Variants in TRDN observed in about 807,000 individuals in gnomAD.
TRDN encodes the protein triadin, also known as triadin in skeletal muscle.
In TRDN, 161 loss-of-function variants were observed where a neutral mutation model predicts 149.7. The observed-to-expected ratio is 1.08, with a 90% CI of 0.95 to 1.23. The LOEUF (loss-of-function observed/expected upper bound fraction) is 1.23, where lower values mean the gene tolerates loss of function less well. Among genes scored for constraint, TRDN ranks in the 50% most tolerant of loss-of-function variants. The pLI, the probability that TRDN is intolerant of heterozygous loss-of-function variation, is 0.00. For synonymous variants in TRDN, 294 were observed against 250.5 expected (o/e 1.17, Z -1.64); for missense variants, 896 against 823.5 (o/e 1.09, Z -1.08).
At position 123,267,883 on chromosome 6, in the gene TRDN, C is replaced by G. The variant is rs41284428; in HGVS notation, c.1739-132G>C. 5.5e-3 allele frequency: 3,576 copies of G among 648,732 alleles called. 16 individuals are homozygous for G. Among genetic ancestry groups the G allele is most frequent in the Non-Finnish European group, 8.1e-3 (3,197 of 394,448 alleles). 40.2% of individuals were successfully genotyped at this position (648,732 alleles called of 1,614,324 possible). A position where few individuals can be genotyped will look rare whatever the true frequency, so the allele number is the denominator to read the frequency against. ...AAAGTCATTTTCATGTAATTTGAAA[C>G]AAAGAAAGCATATTGCCATAAAAAA... On this transcript the variant is annotated intron_variant, in intron 31 of 40. Transcript: ENST00000334268.
intron 1 of TRDN, among the ~76,000 whole-genome samples, chr6:123,616,070 G>T (rs993262357): frequency 6.6e-6 from 1 of 152,058 alleles, no homozygotes; most frequent in African/African-American, 2.4e-5. Context: ...TAAAAATTAG[G>T]CTGGGGGCAG....
chr6:123,307,421 G>T (rs1406877059), intron 24 of TRDN, among the ~76,000 whole-genome samples: 1 of 152,012 alleles, frequency 6.6e-6, no homozygotes, highest in Non-Finnish European at 1.5e-5. Flanking sequence ...TCATAAACAT[G>T]AAGACAGTAA....
intron 36 of TRDN, among the ~76,000 whole-genome samples, chr6:123,255,662 C>G (rs1352308082): frequency 6.6e-6 from 1 of 152,096 alleles, no homozygotes; most frequent in African/African-American, 2.4e-5. Context: ...GGTTGGCTTA[C>G]CATCCATTGC....
chr6:123,495,058 T>C (rs1246731541), intron 9 of TRDN, among the ~76,000 whole-genome samples: 1 of 151,954 alleles, frequency 6.6e-6, no homozygotes, highest in Non-Finnish European at 1.5e-5. Flanking sequence ...AATTATTTAT[T>C]TATTTTGAGA....
chr6:123,620,831 G>A (rs377580584), intron 1 of TRDN, among the ~76,000 whole-genome samples: 18 of 152,196 alleles, frequency 1.2e-4, no homozygotes, highest in African/African-American at 4.3e-4. Context: ...GTTAACAATA[G>A]CAATATTCTA....
At chr6:123,502,387 G>T in intron 8 of TRDN, 1 of 648,508 alleles carries the variant, frequency 1.5e-6, no homozygotes, top group African/African-American at 2.0e-5. Context: ...AAGTTTTAGA[G>T]CTCCTAAGTT....
intron 12 of TRDN, among the ~76,000 whole-genome samples, chr6:123,424,680 C>T (rs1432099089): frequency 6.6e-6 from 1 of 152,098 alleles, no homozygotes; most frequent in Non-Finnish European, 1.5e-5. Flanking sequence ...TTACAAATGG[C>T]AAGCATGTGT....
intron 35 of TRDN, among the ~76,000 whole-genome samples, chr6:123,258,422 T>C (rs1776639412): frequency 6.6e-6 from 1 of 152,182 alleles, no homozygotes; most frequent in African/African-American, 2.4e-5. Context: ...GTTCTGTTTA[T>C]GTGATGGATT....
At chr6:123,303,009 AT>A (rs1375619163) in intron 24 of TRDN, among the ~76,000 whole-genome samples, 1 of 152,166 alleles carries the variant, frequency 6.6e-6, no homozygotes, top group Admixed American at 6.6e-5. Flanking sequence ...ACATTTAGAT[AT>A]GCATTACATT....
At position 123,217,427 on chromosome 6, in the gene TRDN, A is replaced by T. The variant is rs1775000510; in HGVS notation, c.*1174T>A. 1 of 151,992 alleles carries T rather than the reference A, an allele frequency of 6.6e-6. No homozygotes were observed. Among genetic ancestry groups the T allele is most frequent in the Non-Finnish European group, 1.5e-5 (1 of 67,930 alleles). The allele number at this position is 151,992 out of a possible 1,614,324, so 9.4% of individuals were successfully genotyped here. On this transcript the variant is annotated 3_prime_UTR_variant, in exon 41 of 41. Transcript: ENST00000334268. ...GTCATAAGTTCAGTTGCAATTGTAA[A>T]CATGATAAAGGTCACAGAGGCATGA...
chr6:123,475,223 G>T lies in TRDN; in HGVS notation c.854-10240C>A, dbSNP rs1301141603. 4.0e-5 allele frequency among the ~76,000 whole-genome samples: 6 copies of T among 149,332 alleles called. 1 individual carries two copies. The highest frequency in any genetic ancestry group is 6.0e-5 in the Non-Finnish European group (4 of 66,974). ...AGACGCAATAAAAAATGATAAAGGG[G>T]ATATCACCACCGATCCCACAGAAAT... On this transcript the variant is annotated intron_variant, in intron 9 of 40. Transcript: ENST00000334268.
chr6:123,366,627 C>T (rs1277726387), intron 19 of TRDN, among the ~76,000 whole-genome samples: 2 of 152,068 alleles, frequency 1.3e-5, no homozygotes, highest in African/African-American at 4.8e-5. Flanking sequence ...AAGCAATTCC[C>T]CTGCCCCAGC....
intron 23 of TRDN, among the ~76,000 whole-genome samples, chr6:123,326,792 T>C (rs1779473050): frequency 6.6e-6 from 1 of 152,122 alleles, no homozygotes; most frequent in South Asian, 2.1e-4. Context: ...AATTAGCTAT[T>C]TTTAAAATAA....
intron 12 of TRDN, among the ~76,000 whole-genome samples, chr6:123,400,609 C>T (rs1772926192): frequency 1.3e-5 from 2 of 152,090 alleles, no homozygotes; most frequent in South Asian, 4.1e-4. Flanking sequence ...GCTGTGCAGC[C>T]TGGTTCCTAT....
chr6:123,513,204 G>A (rs1054067675), intron 6 of TRDN, among the ~76,000 whole-genome samples: 10 of 152,054 alleles, frequency 6.6e-5, no homozygotes, highest in African/African-American at 2.4e-4. Context: ...TTGGGATTAT[G>A]GGTAATAGAT....
intron 14 of TRDN, among the ~76,000 whole-genome samples, chr6:123,383,165 T>C (rs1582947070): frequency 6.6e-6 from 1 of 152,022 alleles, no homozygotes; most frequent in East Asian, 1.9e-4. Flanking sequence ...ACGACTTCAC[T>C]TCCATGATGA....
rs139137233 is a variant in TRDN at position 123,456,657 on chromosome 6, T to C, written c.931+8249A>G. ...CTAATTTTTATATTTTTTGTAGAGA[T>C]AGGGTTTCGCCATGTTGCCCAGGCT... On this transcript the variant is annotated intron_variant, in intron 10 of 40. Coordinates refer to ENST00000334268, the MANE Select transcript of TRDN (RefSeq NM_006073.4). Among the ~76,000 whole-genome samples, 1,500 of 152,166 alleles carry C rather than the reference T, an allele frequency of 9.9e-3. 30 individuals are homozygous for C. The highest frequency in any genetic ancestry group is 0.031 in the African/African-American group (1,277 of 41,522).
chr6:123,384,794 A>G (rs1781846493), intron 14 of TRDN, among the ~76,000 whole-genome samples: 1 of 152,214 alleles, frequency 6.6e-6, no homozygotes, highest in Non-Finnish European at 1.5e-5. Flanking sequence ...ATGTAGAACT[A>G]AAGTAATAGA....
At chr6:123,321,809 T>C (rs1779253572) in intron 23 of TRDN, among the ~76,000 whole-genome samples, 1 of 151,640 alleles carries the variant, frequency 6.6e-6, no homozygotes, top group African/African-American at 2.4e-5. Flanking sequence ...TACTAGATGG[T>C]ATCTGATTTC....
Sources: gnomAD v4.1 joint callset for allele counts (sites outside exome capture counted in the v4.1 genomes callset) on GRCh38, gnomAD v4.1.1 for gene constraint, MANE v1.5 for transcripts, NCBI Gene and HGNC (gene_info 2026-07-23, HGNC 2026-07-21) for gene names.